The following DST variants were observed in gnomAD, a reference collection of about 807,000 sequenced individuals.
The protein encoded by DST is bullous pemphigoid antigen.
In DST, 253 loss-of-function variants were observed where a neutral mutation model predicts 875.2. That is an observed-to-expected ratio of 0.29 (90% CI 0.26 to 0.32). DST has a LOEUF of 0.32. DST is among the 10% of genes least tolerant of loss of function. The pLI, the probability that DST is intolerant of heterozygous loss-of-function variation, is 1.00. For missense variants in DST, 8,287 were observed against 9,111.6 expected (o/e 0.91, Z 3.68); for synonymous variants, 3,124 against 3,197.1 (o/e 0.98, Z 0.77).
intron 49 of DST, among the ~76,000 whole-genome samples, chr6:56,590,373 C>G (rs190409096): frequency 2.2e-4 from 34 of 152,168 alleles, no homozygotes; most frequent in Admixed American, 7.8e-4. Context: ...TAATATAGAT[C>G]TAACTTAAAA....
At chr6:56,833,099 G>C (rs991970597) in intron 4 of DST, among the ~76,000 whole-genome samples, 6 of 152,140 alleles carry the variant, frequency 3.9e-5, no homozygotes, top group Non-Finnish European at 8.8e-5. Context: ...ATCGCAAGAC[G>C]AACAACCAAG....
intron 9 of DST, among the ~76,000 whole-genome samples, chr6:56,698,910 G>C (rs2099278305): frequency 6.6e-6 from 1 of 152,204 alleles, no homozygotes; most frequent in South Asian, 2.1e-4. Context: ...CCATCACCCA[G>C]ATAGTGAGCA....
chr6:56,564,013 G>A (rs2097596010), intron 55 of DST, among the ~76,000 whole-genome samples: 1 of 152,188 alleles, frequency 6.6e-6, no homozygotes, highest in East Asian at 1.9e-4. Flanking sequence ...GTAGCATGAT[G>A]CCTCCAGCTT....
chr6:56,683,281 C>T (rs1415884887), intron 9 of DST, among the ~76,000 whole-genome samples: 1 of 152,128 alleles, frequency 6.6e-6, no homozygotes, highest in African/African-American at 2.4e-5. Context: ...CGTGATACAC[C>T]TCGAATAATA....
At chr6:56,633,320 G>A (rs1156538702) in intron 27 of DST, among the ~76,000 whole-genome samples, 1 of 146,894 alleles carries the variant, frequency 6.8e-6, no homozygotes, top group Admixed American at 6.7e-5. Context: ...TCCGCCTCCC[G>A]GGTTCACGCC....
chr6:56,904,129 A>T (rs1039858918), intron 2 of DST, among the ~76,000 whole-genome samples: 1 of 152,238 alleles, frequency 6.6e-6, no homozygotes, highest in Non-Finnish European at 1.5e-5. Context: ...ATTCACTATA[A>T]TTACTATGGA....
chr6:56,869,673 A>G (rs536769891), intron 3 of DST, among the ~76,000 whole-genome samples: 13 of 152,072 alleles, frequency 8.5e-5, no homozygotes, highest in African/African-American at 3.1e-4. Flanking sequence ...TGCAGTATGA[A>G]AAACTCTGAA....
At chr6:56,463,501 T>C in intron 101 of DST, 64 bp downstream of exon 101, 5 of 1,415,332 alleles carry the variant, frequency 3.5e-6, no homozygotes, top group Non-Finnish European at 3.8e-6. Context: ...AAATAGAACA[T>C]TCAAAAGTCT....
rs914776403 is a variant in DST at position 56,654,793 on chromosome 6, T to G, written c.1215-3549A>C. 2.0e-5 allele frequency among the ~76,000 whole-genome samples: 3 copies of G among 152,010 alleles called. No homozygotes were observed. In the East Asian group the frequency reaches 5.8e-4, roughly 29 times the overall value. On this transcript the variant is annotated intron_variant, in intron 10 of 103. Transcript: ENST00000680361. ...GGTAACATTTCAGTACTCCAAAACTTTATTAATACATTAGCTCACATGAGA... is the reference window on the plus strand; with the variant it reads ...GGTAACATTTCAGTACTCCAAAACTGTATTAATACATTAGCTCACATGAGA...
Position 56,606,523 on chromosome 6 carries a change from G to A in DST, c.8105C>T (p.Ser2702Phe). ...AGGATTTAAATGTATTTTTTCACCA[G>A]AATCTAATTCATCTTTCTCAACATC... ...LMDVEKDELD[S>F]GEKIHLNPVG... is the part of the protein sequence containing the mutation. Residue 2702 changes from serine (S) to phenylalanine (F), a missense_variant, in exon 40 of 104, where the codon TCT becomes TTT. This residue lies in a region of DST where 3,138 missense variants were observed against 3,116.6 expected (regional missense o/e 1.01). Coordinates refer to ENST00000680361, the MANE Select transcript of DST (RefSeq NM_001374736.1). The A allele has an allele frequency of 6.2e-7, 1 of 1,613,334 alleles. No homozygotes were observed.
chr6:56,944,037 A>C (rs1398821152), intron 2 of DST, among the ~76,000 whole-genome samples: 1 of 152,094 alleles, frequency 6.6e-6, no homozygotes, highest in Non-Finnish European at 1.5e-5. Context: ...GAATCACTTG[A>C]ACCCAGGAGG....
At chr6:56,601,724 A>T (rs745760090) in intron 43 of DST, 48 bp from the exon 44 acceptor site, 1 of 1,054,786 alleles carries the variant, frequency 9.5e-7, no homozygotes, top group South Asian at 1.7e-5. Context: ...AAGCCATGAT[A>T]AAATTTATAT....
rs533938736 is a variant in DST at position 56,857,225 on chromosome 6, C to T, written c.418-5621G>A. On this transcript the variant is annotated intron_variant, in intron 3 of 103. Transcript: ENST00000680361. Reference sequence around the variant, plus strand: ...TAGAGATGGGGTCTCACTATGTTGACCAGGCTGCTCGCAAACTCCTGGCCT... The same window carrying T: ...TAGAGATGGGGTCTCACTATGTTGATCAGGCTGCTCGCAAACTCCTGGCCT... Among the ~76,000 whole-genome samples, 255 of 152,212 alleles carry T rather than the reference C, an allele frequency of 1.7e-3. 2 individuals are homozygous for T. Among genetic ancestry groups the T allele is most frequent in the Non-Finnish European group, 4.6e-4 (31 of 68,004 alleles).
chr6:56,753,100 T>C (rs559165557), intron 4 of DST, among the ~76,000 whole-genome samples: 47 of 152,280 alleles, frequency 3.1e-4, no homozygotes, highest in Middle Eastern at 6.8e-3. Context: ...AGTTTATCTA[T>C]CTGTTTCATC....
rs758267968 is a variant in DST, at chr6:56,640,555, G to C, written c.2078C>G (p.Ser693Cys). The change falls in exon 18 of 104, where the codon TCT becomes TGT. Residue 693 changes from serine to cysteine, a missense_variant. Physicochemically the swap from Ser to Cys is moderately radical, Grantham distance 112. Coordinates refer to ENST00000680361, the MANE Select transcript of DST (RefSeq NM_001374736.1). ...EIMALRNECS[S>C]VYSKGRILTT... ...CAGTATGCGTCCTTTGCTGTACACA[G>C]AAGAACATTCGTTCCTTAAGGCCAT... is the stretch of plus-strand genomic sequence containing the variant. The C allele has an allele frequency of 4.3e-6, 7 of 1,614,050 alleles. No homozygotes were observed. The highest frequency in any genetic ancestry group is 5.9e-6 in the Non-Finnish European group (7 of 1,180,026).
Position 56,593,790 on chromosome 6 carries a change from C to CT in DST, c.12598dup (p.Arg4200LysfsTer18). On this transcript the variant is annotated frameshift_variant, in exon 48 of 104. Coordinates refer to ENST00000680361, the MANE Select transcript of DST (RefSeq NM_001374736.1). LOFTEE classifies it high-confidence loss of function. ...GCAAGATTTGGCAGCTTCCAACACT[C>CT]TGTTTCCAGAAATTGTGATGTATCT... 6.2e-7 allele frequency: 1 copy of CT among 1,613,962 alleles called. No homozygotes were observed. Among genetic ancestry groups the CT allele is most frequent in the Non-Finnish European group, 8.5e-7 (1 of 1,179,892 alleles).
At chr6:56,716,011 T>C (rs978930199) in intron 5 of DST, among the ~76,000 whole-genome samples, 9 of 152,208 alleles carry the variant, frequency 5.9e-5, no homozygotes, top group Non-Finnish European at 8.8e-5. Context: ...TGTATGCCTT[T>C]TTCTCCTATG....
At chr6:56,631,750 C>A in intron 29 of DST, 133 bp downstream of exon 29, 3 of 801,388 alleles carry the variant, frequency 3.7e-6, no homozygotes, top group Admixed American at 2.0e-5. Context: ...GCAATAATTA[C>A]ACAATCAGAC....
In DST at chr6:56,492,955, T is replaced by A; in HGVS notation, c.20529A>T (p.Leu6843Phe). The change falls in exon 84 of 104, where the codon TTA becomes TTT. Residue 6843 changes from leucine (L) to phenylalanine (F), a missense_variant. Transcript: ENST00000680361. ...SRPSLILDTVLFQIDEHKVFA... is the reference protein window; with the variant it reads ...SRPSLILDTVFFQIDEHKVFA... ...ATACCTTGTGTTCGTCAATTTGAAA[T>A]AAGACTGTGTCCAAGATGAGACTTG... The A allele has an allele frequency of 1.2e-6, 2 of 1,609,996 alleles. No individual in the cohort carries two copies. Among genetic ancestry groups the A allele is most frequent in the Non-Finnish European group, 1.7e-6 (2 of 1,178,086 alleles).
Sources: allele counts gnomAD v4.1 joint callset (sites outside exome capture counted in the v4.1 genomes callset), GRCh38; gene constraint gnomAD v4.1.1; regional missense constraint gnomAD v4.1.1; transcripts MANE v1.5; gene names NCBI Gene and HGNC (gene_info 2026-07-23, HGNC 2026-07-21).